The following F10 variants were observed in gnomAD, a reference collection of about 807,000 sequenced individuals.
The protein encoded by F10 is Stuart-Prower factor.
A neutral mutation model predicts 37.1 loss-of-function variants in F10; 29 were observed. The ratio of observed to expected loss-of-function variants is 0.78; its 90% CI spans 0.58 to 1.07. The LOEUF is 1.07. F10 is among the 50% of genes least tolerant of loss of function. The probability of loss-of-function intolerance (pLI) is 0.00; values close to 1 mark genes in which losing one functional copy is unlikely to be tolerated. For missense variants in F10, 539 were observed against 667.9 expected, an observed-to-expected ratio of 0.81 and a Z score of 2.13; for synonymous variants, 262 against 268.6, an observed-to-expected ratio of 0.98 and a Z score of 0.24.
intron 1 of F10, among the ~76,000 whole-genome samples, chr13:113,125,371 G>C (rs537524112): frequency 3.9e-4 from 59 of 152,306 alleles, no homozygotes; most frequent in Admixed American, 1.6e-3. Context: ...TTTGCTTGCT[G>C]GTAAAACTTG....
Position 113,139,588 on chromosome 13 carries a change from G to A in F10, c.370+118G>A, listed in dbSNP as rs116930213. 5.7e-4 allele frequency: 472 copies of A among 828,734 alleles called. 1 individual carries two copies. The highest frequency in any genetic ancestry group is 8.5e-4 in the Non-Finnish European group (420 of 495,562). The allele number at this position is 828,734 out of a possible 1,614,324, so 51.3% of individuals were successfully genotyped here. Reference sequence around the variant, plus strand: ...TCTTAAGTCATTTCTGATTTACAAAGTCTGGGCTCTATTATACCTATTATA... The same window carrying A: ...TCTTAAGTCATTTCTGATTTACAAAATCTGGGCTCTATTATACCTATTATA... On this transcript the variant is annotated intron_variant, in intron 4 of 7. Transcript: ENST00000375559. The surrounding 1 kb of genome is among the most constrained non-coding windows in gnomAD (Gnocchi z 5.2).
chr13:113,144,209 C>T lies in F10; in HGVS notation c.747+114C>T. ...CAATCCGGGAAGGAACTGTTCCGAA[C>T]TAGGACAGAGGGGCTCCGCCACCCA... On this transcript the variant is annotated intron_variant, in intron 6 of 7. Coordinates refer to ENST00000375559, the MANE Select transcript of F10 (RefSeq NM_000504.4). This position sits in a 1 kb window ranked among gnomAD's most constrained non-coding sequence, Gnocchi z 6.4. 6.5e-7 allele frequency: 1 copy of T among 1,528,412 alleles called. No individual in the cohort carries two copies. 94.7% of individuals were successfully genotyped at this position (1,528,412 alleles called of 1,614,324 possible). A position where few individuals can be genotyped will look rare whatever the true frequency, so the allele number is the denominator to read the frequency against.
chr13:113,146,933 G>A lies in F10; in HGVS notation c.748-446G>A, dbSNP rs2036587613. On this transcript the variant is annotated intron_variant, in intron 6 of 7. Coordinates refer to ENST00000375559, the MANE Select transcript of F10 (RefSeq NM_000504.4). This position sits in a 1 kb window ranked among gnomAD's most constrained non-coding sequence, Gnocchi z 4.5. ...GACCCCCAGGAAGTCACCTGGGATG[G>A]AGGTGTCCGTGCACCATGGGGGACA... Among the ~76,000 whole-genome samples, 1 of 152,180 alleles carries A rather than the reference G, an allele frequency of 6.6e-6. No homozygotes were observed. Among genetic ancestry groups the A allele is most frequent in the South Asian group, 2.1e-4 (1 of 4,824 alleles).
chr13:113,139,371 G>A lies in F10; in HGVS notation c.271G>A (p.Glu91Lys), dbSNP rs1477329751. ...TCTCTTTGCAGATGGCGACCAGTGT[G>A]AGACCAGTCCTTGCCAGAACCAGGG... ...WNKYKDGDQCETSPCQNQGKC... is the reference protein window; with the variant it reads ...WNKYKDGDQCKTSPCQNQGKC... Residue 91 changes from glutamate to lysine, a missense_variant, in exon 4 of 8, where the codon GAG (glutamate) becomes AAG (lysine). By Grantham distance (56) the Glu-to-Lys change is moderately conservative. Transcript: ENST00000375559. This position sits in a 1 kb window ranked among gnomAD's most constrained non-coding sequence, Gnocchi z 5.2. The A allele has an allele frequency of 6.2e-7, 1 of 1,613,770 alleles. No homozygotes were observed. The highest frequency in any genetic ancestry group is 8.5e-7 in the Non-Finnish European group (1 of 1,179,828).
intron 1 of F10, 49 bp downstream of exon 1, chr13:113,122,974 G>A (rs376192608): frequency 6.3e-7 from 1 of 1,593,366 alleles, no homozygotes; most frequent in Middle Eastern, 1.7e-4. Context: ...AGGGAGCAGG[G>A]AGGGGCGGCA....
chr13:113,140,623 T>C (rs760610125), intron 4 of F10: 50 of 614,386 alleles, frequency 8.1e-5, no homozygotes, highest in Non-Finnish European at 1.4e-4. Context: ...CAGAGGGATG[T>C]GGAGTGACCG....
At chr13:113,125,226 G>A (rs1430472704) in intron 1 of F10, among the ~76,000 whole-genome samples, 1 of 152,224 alleles carries the variant, frequency 6.6e-6, no homozygotes, top group Non-Finnish European at 1.5e-5. Flanking sequence ...AATACGCAGA[G>A]CACCTGCAGT....
At chr13:113,136,824 G>A (rs2036482996) in intron 2 of F10, among the ~76,000 whole-genome samples, 2 of 41,442 alleles carry the variant, frequency 4.8e-5, no homozygotes, top group South Asian at 2.3e-3. Context: ...CTAATTTTTT[G>A]TATTTTTAGT....
intron 7 of F10, among the ~76,000 whole-genome samples, chr13:113,148,363 T>TATATATATATAC (rs56165023): frequency 1.7e-4 from 19 of 110,354 alleles, no homozygotes; most frequent in Non-Finnish European, 3.1e-4. Flanking sequence ...TATATATATA[T>TATATATATATAC]GTATATATAT....
chr13:113,123,192 G>A (rs1216142605), intron 1 of F10, among the ~76,000 whole-genome samples: 1 of 152,166 alleles, frequency 6.6e-6, no homozygotes, highest in African/African-American at 2.4e-5. Flanking sequence ...AAAGGGAGAG[G>A]GAAGGAGAAA....
At chr13:113,131,930 C>A (rs1023424601) in intron 2 of F10, 1 of 152,280 alleles carries the variant, frequency 6.6e-6, no homozygotes, top group African/African-American at 2.4e-5. Context: ...AAATGTGTTA[C>A]CATGTTTCTC....
At chr13:113,147,272 G>C in intron 6 of F10, 107 bp from the exon 7 acceptor site, 1 of 776,478 alleles carries the variant, frequency 1.3e-6, no homozygotes, top group Non-Finnish European at 2.3e-6. Flanking sequence ...GAAGAGGACA[G>C]CTTGGCATGG....
intron 1 of F10, among the ~76,000 whole-genome samples, chr13:113,127,378 T>C (rs910307993): frequency 2.6e-5 from 4 of 152,184 alleles, no homozygotes; most frequent in Admixed American, 2.0e-4. Context: ...GAGAGATCAG[T>C]TGGAAGAGTT....
chr13:113,129,542 A>G lies in F10; in HGVS notation c.161A>G (p.Glu54Gly), dbSNP rs121964944. The change falls in exon 2 of 8, where the codon GAA becomes GGA. Residue 54 changes from glutamate to glycine, a missense_variant. By Grantham distance (98) the Glu-to-Gly change is moderately conservative. Coordinates refer to ENST00000375559, the MANE Select transcript of F10 (RefSeq NM_000504.4). ...FLEEMKKGHLERECMEETCSY... is the reference protein window; with the variant it reads ...FLEEMKKGHLGRECMEETCSY... ...GAAGAGATGAAGAAAGGACACCTCG[A>G]AAGAGAGTGCATGGAAGAGACCTGC... 1.3e-5 allele frequency: 21 copies of G among 1,614,192 alleles called. No individual in the cohort carries two copies. The highest frequency in any genetic ancestry group is 1.8e-5 in the Non-Finnish European group (21 of 1,180,008).
chr13:113,125,389 G>A (rs996655653), intron 1 of F10, among the ~76,000 whole-genome samples: 2 of 152,210 alleles, frequency 1.3e-5, no homozygotes, highest in Non-Finnish European at 2.9e-5. Flanking sequence ...TTGCTCAAAT[G>A]CAGTTGCTGA....
At position 113,143,585 on chromosome 13, in the gene F10, A is replaced by G. The variant is rs3829391; in HGVS notation, c.503-266A>G. ...TTTCAGGCAAACCGCAGACGCCAAC[A>G]CTCCCCTCGCTGCCTGGGTTGCTGC... On this transcript the variant is annotated intron_variant, in intron 5 of 7. Transcript: ENST00000375559. The surrounding 1 kb of genome is among the most constrained non-coding windows in gnomAD (Gnocchi z 6.8). Among the ~76,000 whole-genome samples the G allele has an allele frequency of 6.6e-6, 1 of 151,646 alleles. No individual in the cohort carries two copies. The highest frequency in any genetic ancestry group is 1.5e-5 in the Non-Finnish European group (1 of 67,922).
Position 113,129,711 on chromosome 13 carries a change from A to T in F10, c.231+99A>T, listed in dbSNP as rs953483707. The T allele has an allele frequency of 2.8e-5, 42 of 1,523,242 alleles. No homozygotes were observed. In the Admixed American group the frequency reaches 4.7e-4, roughly 17 times the overall value. The allele number at this position is 1,523,242 out of a possible 1,614,324, so 94.4% of individuals were successfully genotyped here. On this transcript the variant is annotated intron_variant, in intron 2 of 7. Coordinates refer to ENST00000375559, the MANE Select transcript of F10 (RefSeq NM_000504.4). Reference sequence around the variant, plus strand: ...TCCATCCAGGGGGGCGGCCTGGAGGAAGGGGCAGCGTGCGCGAAGGCTTTC... The same window carrying T: ...TCCATCCAGGGGGGCGGCCTGGAGGTAGGGGCAGCGTGCGCGAAGGCTTTC...
intron 1 of F10, among the ~76,000 whole-genome samples, chr13:113,123,434 A>G (rs1272324012): frequency 1.3e-5 from 2 of 152,154 alleles, no homozygotes; most frequent in African/African-American, 4.8e-5. Context: ...TGCCTAATGC[A>G]CAGCTGGACA....
intron 1 of F10, among the ~76,000 whole-genome samples, chr13:113,123,707 C>T (rs2036342985): frequency 6.6e-6 from 1 of 152,074 alleles, no homozygotes; most frequent in Non-Finnish European, 1.5e-5. Flanking sequence ...AAGGGGAGAC[C>T]CCTGGGAAGG....
Sources: allele counts gnomAD v4.1 joint callset (sites outside exome capture counted in the v4.1 genomes callset), GRCh38; gene constraint gnomAD v4.1.1; non-coding constraint Gnocchi (gnomAD v3.1); transcripts MANE v1.5; gene names NCBI Gene and HGNC (gene_info 2026-07-23, HGNC 2026-07-21).